The following ARHGEF4 variants were observed in gnomAD, a reference collection of about 807,000 sequenced individuals.
ARHGEF4 encodes the protein APC-stimulated guanine nucleotide exchange factor 1.
A neutral mutation model predicts 162.0 loss-of-function variants in ARHGEF4; 119 were observed. That is an observed-to-expected ratio of 0.73 (90% CI 0.63 to 0.86). ARHGEF4 has a LOEUF of 0.86. Ranked by LOEUF, ARHGEF4 falls within the 40% of genes least tolerant of loss-of-function variation. The probability of loss-of-function intolerance (pLI) is 0.00; values close to 1 mark genes in which losing one functional copy is unlikely to be tolerated. For missense variants in ARHGEF4, 2,488 were observed against 2,456.0 expected, an observed-to-expected ratio of 1.01 and a Z score of -0.28; for synonymous variants, 1,014 against 979.9, an observed-to-expected ratio of 1.03 and a Z score of -0.65.
At chr2:130,882,864 C>A (rs1021513304) in intron 1 of ARHGEF4, among the ~76,000 whole-genome samples, 14 of 151,936 alleles carry the variant, frequency 9.2e-5, no homozygotes, top group African/African-American at 3.2e-4. Context: ...TGGGCTGAGT[C>A]CCCCGAGGGA....
At chr2:130,940,121 C>T (rs1683199442) in intron 3 of ARHGEF4, among the ~76,000 whole-genome samples, 1 of 152,084 alleles carries the variant, frequency 6.6e-6, no homozygotes, top group Non-Finnish European at 1.5e-5. Context: ...ATTCCAAAGT[C>T]ACTTCCAAAT....
At chr2:131,042,590 G>C (rs549733522) in intron 10 of ARHGEF4, among the ~76,000 whole-genome samples, 1 of 152,312 alleles carries the variant, frequency 6.6e-6, no homozygotes, top group South Asian at 2.1e-4. Flanking sequence ...ATCAGCCACA[G>C]AACATTATGA....
At chr2:131,002,486 G>A (rs932137160) in intron 4 of ARHGEF4, among the ~76,000 whole-genome samples, 36 of 149,824 alleles carry the variant, frequency 2.4e-4, no homozygotes, top group African/African-American at 8.8e-4. Flanking sequence ...CGAGGCGGGC[G>A]GATCACGAGG....
At chr2:131,028,547 G>A (rs1029110764) in intron 5 of ARHGEF4, among the ~76,000 whole-genome samples, 1 of 152,244 alleles carries the variant, frequency 6.6e-6, no homozygotes, top group African/African-American at 2.4e-5. Context: ...TATGACAACT[G>A]CGTGCAAGTT....
intron 4 of ARHGEF4, among the ~76,000 whole-genome samples, chr2:130,995,003 C>A (rs1472101259): frequency 6.6e-6 from 1 of 152,182 alleles, no homozygotes; most frequent in Non-Finnish European, 1.5e-5. Context: ...AAGATGTGCC[C>A]AGATGTGGTT....
rs112671943 is a variant in ARHGEF4 at position 130,868,967 on chromosome 2, T to G, written c.39+31975T>G. On this transcript the variant is annotated intron_variant, in intron 1 of 13. Coordinates refer to ENST00000409359, the MANE Select transcript of ARHGEF4 (RefSeq NM_001367493.1). Reference sequence around the variant, plus strand: ...CCAGCATCACATCACCTTCCGGTGATCATATCGGGACCACCTGGATAATCT... The same window carrying G: ...CCAGCATCACATCACCTTCCGGTGAGCATATCGGGACCACCTGGATAATCT... Among the ~76,000 whole-genome samples the G allele has an allele frequency of 2.3e-3, 352 of 152,340 alleles. 1 individual carries two copies. The highest frequency in any genetic ancestry group is 4.0e-3 in the Non-Finnish European group (274 of 68,040).
At chr2:130,899,246 G>T (rs1044933393) in intron 1 of ARHGEF4, among the ~76,000 whole-genome samples, 1 of 152,202 alleles carries the variant, frequency 6.6e-6, no homozygotes, top group Non-Finnish European at 1.5e-5. Flanking sequence ...TACCAGGAGG[G>T]TGAAGGTTAT....
intron 1 of ARHGEF4, among the ~76,000 whole-genome samples, chr2:130,909,591 A>G (rs553867535): frequency 3.9e-5 from 6 of 152,334 alleles, no homozygotes; most frequent in African/African-American, 1.2e-4. Flanking sequence ...ATGTGTGTCA[A>G]AACTTTGACT....
chr2:130,861,333 G>A (rs1682005942), intron 1 of ARHGEF4, among the ~76,000 whole-genome samples: 1 of 4,490 alleles, frequency 2.2e-4, no homozygotes, highest in Admixed American at 2.4e-3. Flanking sequence ...GCTGGAGTGC[G>A]ATGGTGCAAT....
At chr2:131,018,590 A>T (rs1688906907) in intron 4 of ARHGEF4, among the ~76,000 whole-genome samples, 1 of 152,176 alleles carries the variant, frequency 6.6e-6, no homozygotes, top group Non-Finnish European at 1.5e-5. Flanking sequence ...TGCACAAAAG[A>T]TTTAAATTTT....
At chr2:130,957,191 A>G (rs1279908876) in intron 4 of ARHGEF4, among the ~76,000 whole-genome samples, 1 of 151,932 alleles carries the variant, frequency 6.6e-6, no homozygotes, top group Non-Finnish European at 1.5e-5. Context: ...TAAAAAGACT[A>G]ATTCTTCACA....
In ARHGEF4 at chr2:130,890,077, A is replaced by G. The variant is rs185888532; in HGVS notation, c.40-23909A>G. Among the ~76,000 whole-genome samples the G allele has an allele frequency of 3.6e-3, 544 of 152,176 alleles. 7 individuals carry two copies. The highest frequency in any genetic ancestry group is 0.012 in the African/African-American group (518 of 41,506). On this transcript the variant is annotated intron_variant, in intron 1 of 13. Coordinates refer to ENST00000409359, the MANE Select transcript of ARHGEF4 (RefSeq NM_001367493.1). ...TGGTTTGTTTAGGGGTGGATTTCCC[A>G]CTTTCCTTATTCAGCTTGAGATTTG... is the stretch of plus-strand genomic sequence containing the variant.
intron 1 of ARHGEF4, among the ~76,000 whole-genome samples, chr2:130,887,130 C>T (rs542472353): frequency 2.0e-5 from 3 of 152,106 alleles, no homozygotes; most frequent in Non-Finnish European, 4.4e-5. Flanking sequence ...AAGATATTTG[C>T]ATTTCTATAT....
chr2:131,022,071 T>A (rs983211432), intron 4 of ARHGEF4, among the ~76,000 whole-genome samples: 4 of 152,318 alleles, frequency 2.6e-5, no homozygotes, highest in South Asian at 2.1e-4. Flanking sequence ...TTGTTGAGGA[T>A]TTTTGCATCT....
chr2:131,024,282 G>A lies in ARHGEF4; in HGVS notation c.3986-3663G>A, dbSNP rs1015912757. Among the ~76,000 whole-genome samples, 9 of 152,020 alleles carry A rather than the reference G, an allele frequency of 5.9e-5. 1 individual carries two copies. In the South Asian group the frequency reaches 8.3e-4, roughly 14 times the overall value. On this transcript the variant is annotated intron_variant, in intron 4 of 13. Coordinates refer to ENST00000409359, the MANE Select transcript of ARHGEF4 (RefSeq NM_001367493.1). ...TTTTGTTTTGTTTTGTTTTTTGGGCGGGGGGTGTTTTGAGACAGAATCTTG... is the reference window on the plus strand; with the variant it reads ...TTTTGTTTTGTTTTGTTTTTTGGGCAGGGGGTGTTTTGAGACAGAATCTTG...
At chr2:130,849,988 T>A (rs1290325242) in intron 1 of ARHGEF4, among the ~76,000 whole-genome samples, 1 of 152,272 alleles carries the variant, frequency 6.6e-6, no homozygotes. Flanking sequence ...CTTAGTGGCA[T>A]CTTTGTAAGC....
Position 130,915,317 on chromosome 2 carries a change from C to T in ARHGEF4, c.1371C>T (p.Pro457=), listed in dbSNP as rs949724927. Residue 457 remains proline, a synonymous_variant, in exon 2 of 14, where the codon CCC becomes CCT. Coordinates refer to ENST00000409359, the MANE Select transcript of ARHGEF4 (RefSeq NM_001367493.1). ...TCAGTGCAGAGGAAGTGCCTGAGCC[C>T]GCTGAGTGCAAGTCAGAGCAAAGCC... The part of the protein sequence containing the change: ...VKLSAEEVPE[P]AECKSEQSPE... 19 of 1,550,574 alleles carry T rather than the reference C, an allele frequency of 1.2e-5. No homozygotes were observed. Among genetic ancestry groups the T allele is most frequent in the Admixed American group, 3.9e-5 (2 of 50,988 alleles).
At chr2:130,872,538 G>A (rs563302726) in intron 1 of ARHGEF4, among the ~76,000 whole-genome samples, 2 of 152,158 alleles carry the variant, frequency 1.3e-5, no homozygotes, top group East Asian at 1.9e-4. Flanking sequence ...GCTGAATCAC[G>A]CCAATTGTGT....
chr2:130,901,996 C>A (rs1050475761), intron 1 of ARHGEF4, among the ~76,000 whole-genome samples: 1 of 152,178 alleles, frequency 6.6e-6, no homozygotes, highest in Admixed American at 6.5e-5. Context: ...CCTTCCTTGT[C>A]TTTTCACTCA....
Sources: gnomAD v4.1 joint callset for allele counts (sites outside exome capture counted in the v4.1 genomes callset) on GRCh38, gnomAD v4.1.1 for gene constraint, MANE v1.5 for transcripts, NCBI Gene and HGNC (gene_info 2026-07-23, HGNC 2026-07-21) for gene names.